LRP2: variants seen among roughly 807,000 people sequenced by gnomAD.
LRP2 encodes the protein low-density lipoprotein receptor-related protein 2.
Under a neutral mutation model 531.0 loss-of-function variants are expected in LRP2, and 172 were observed. The ratio of observed to expected loss-of-function variants is 0.32; its 90% CI spans 0.29 to 0.37. The LOEUF (loss-of-function observed/expected upper bound fraction) is 0.37, where lower values mean the gene tolerates loss of function less well. Ranked by LOEUF, LRP2 falls within the 10% of genes least tolerant of loss-of-function variation. The pLI is 1.00. For missense variants in LRP2, 5,167 were observed against 5,868.3 expected (o/e 0.88, Z 3.90); for synonymous variants, 1,992 against 2,027.6 (o/e 0.98, Z 0.47).
intron 36 of LRP2, among the ~76,000 whole-genome samples, chr2:169,213,377 A>G (rs1245005147): frequency 3.9e-5 from 6 of 152,218 alleles, no homozygotes; most frequent in African/African-American, 1.4e-4. Flanking sequence ...GAAAACAGGG[A>G]GTTCTATGAA....
intron 16 of LRP2, among the ~76,000 whole-genome samples, chr2:169,261,955 A>C (rs914392212): frequency 6.7e-6 from 1 of 150,248 alleles, no homozygotes; most frequent in Non-Finnish European, 1.5e-5. Context: ...CAAATCAATA[A>C]ATGTAATCCA....
intron 4 of LRP2, among the ~76,000 whole-genome samples, chr2:169,300,707 T>C (rs1262770576): frequency 1.3e-5 from 2 of 152,052 alleles, no homozygotes; most frequent in Non-Finnish European, 2.9e-5. Flanking sequence ...CCTATCTCAA[T>C]TGTGAGAATG....
chr2:169,307,784 G>C (rs1019019385), intron 3 of LRP2, among the ~76,000 whole-genome samples: 10 of 152,220 alleles, frequency 6.6e-5, no homozygotes, highest in African/African-American at 2.4e-4. Context: ...TTTAATAGCA[G>C]TTATTCCAGA....
At chr2:169,346,214 T>C (rs1489573621) in intron 1 of LRP2, among the ~76,000 whole-genome samples, 2 of 152,236 alleles carry the variant, frequency 1.3e-5, no homozygotes, top group Non-Finnish European at 2.9e-5. Context: ...TCCCTCTTGG[T>C]GCCATGTTCT....
chr2:169,200,434 T>C (rs541245563), intron 44 of LRP2, among the ~76,000 whole-genome samples: 2 of 152,130 alleles, frequency 1.3e-5, no homozygotes, highest in South Asian at 2.1e-4. Context: ...GGACAGGAAA[T>C]ATAAGACAAG....
At chr2:169,285,510 C>T (rs1209406951) in intron 9 of LRP2, among the ~76,000 whole-genome samples, 1 of 152,030 alleles carries the variant, frequency 6.6e-6, no homozygotes, top group Non-Finnish European at 1.5e-5. Flanking sequence ...TTTACAATCC[C>T]CCTCTCACTC....
chr2:169,142,622 G>C, intron 71 of LRP2, 52 bp downstream of exon 71: 1 of 1,609,648 alleles, frequency 6.2e-7, no homozygotes, highest in East Asian at 2.2e-5. Context: ...ACTCCTGAAG[G>C]CAGCAGAGGA....
intron 77 of LRP2, 131 bp downstream of exon 77, chr2:169,132,443 A>T: frequency 1.5e-6 from 1 of 662,344 alleles, no homozygotes; most frequent in Middle Eastern, 2.5e-4. Flanking sequence ...AATTATATTT[A>T]TTAACTGTCA....
At chr2:169,306,110 T>C (rs879573115) in intron 4 of LRP2, among the ~76,000 whole-genome samples, 2 of 152,054 alleles carry the variant, frequency 1.3e-5, no homozygotes, top group South Asian at 2.1e-4. Context: ...AGTAAATTTA[T>C]GAAATGCAGG....
At chr2:169,345,819 C>T (rs985851037) in intron 1 of LRP2, among the ~76,000 whole-genome samples, 8 of 150,606 alleles carry the variant, frequency 5.3e-5, no homozygotes, top group African/African-American at 2.0e-4. Flanking sequence ...TGACTCTTGT[C>T]GTTCTTGTTC....
rs1453862895 is a variant in LRP2 at position 169,290,839 on chromosome 2, A to G, written c.922+6T>C. 2 of 1,613,744 alleles carry G rather than the reference A, an allele frequency of 1.2e-6. No individual in the cohort carries two copies. The highest frequency in any genetic ancestry group is 8.5e-7 in the Non-Finnish European group (1 of 1,179,758). ...GAAAGCTACCCAGGTAAATGTCTATACTCACTACAGTATTTTCCGGTACTA... is the reference window on the plus strand; with the variant it reads ...GAAAGCTACCCAGGTAAATGTCTATGCTCACTACAGTATTTTCCGGTACTA... On this transcript the variant is annotated splice_donor_region_variant and intron_variant, in intron 8 of 78. Transcript: ENST00000649046.
At chr2:169,261,123 C>T (rs1690530419) in intron 16 of LRP2, among the ~76,000 whole-genome samples, 1 of 151,904 alleles carries the variant, frequency 6.6e-6, no homozygotes. Flanking sequence ...TTTCAAGAAA[C>T]TTGACCATGA....
At chr2:169,231,496 A>G (rs966322836) in intron 31 of LRP2, among the ~76,000 whole-genome samples, 1 of 152,162 alleles carries the variant, frequency 6.6e-6, no homozygotes, top group African/African-American at 2.4e-5. Context: ...AGATTGTTCA[A>G]TTACATGCAC....
At position 169,176,736 on chromosome 2, in the gene LRP2, A is replaced by T. The variant is rs965949556; in HGVS notation, c.10394-148T>A. 1.5e-5 allele frequency: 11 copies of T among 735,852 alleles called. No individual in the cohort carries two copies. In the African/African-American group the frequency reaches 1.9e-4, roughly 13 times the overall value. 45.6% of individuals were successfully genotyped at this position (735,852 alleles called of 1,614,324 possible). A position where few individuals can be genotyped will look rare whatever the true frequency, so the allele number is the denominator to read the frequency against. ...TTTATGATTTTCCCAAAAGTTCCTA[A>T]ATAAAACAGATGATAGAGTTATACA... On this transcript the variant is annotated intron_variant, in intron 53 of 78. Coordinates refer to ENST00000649046, the MANE Select transcript of LRP2 (RefSeq NM_004525.3).
At position 169,140,552 on chromosome 2, in the gene LRP2, G is replaced by A. The variant is rs1558973934; in HGVS notation, c.13109-7C>T. The stretch of plus-strand genomic sequence containing the variant: ...TTGATAGGCAGTTCGATGGCTGCAG[G>A]AAGGGAAAGCCATGCAGGTGTTAGT... On this transcript the variant is annotated splice_region_variant and splice_polypyrimidine_tract_variant and intron_variant, in intron 71 of 78. Coordinates refer to ENST00000649046, the MANE Select transcript of LRP2 (RefSeq NM_004525.3). 6.2e-7 allele frequency: 1 copy of A among 1,604,064 alleles called. No homozygotes were observed. Among genetic ancestry groups the A allele is most frequent in the South Asian group, 1.1e-5 (1 of 90,892 alleles).
At chr2:169,237,838 G>A (rs1344326805) in intron 27 of LRP2, among the ~76,000 whole-genome samples, 2 of 152,122 alleles carry the variant, frequency 1.3e-5, no homozygotes, top group African/African-American at 4.8e-5. Flanking sequence ...GAACCGTAAA[G>A]ACATTGTGAG....
intron 9 of LRP2, among the ~76,000 whole-genome samples, chr2:169,283,312 G>A (rs1683757054): frequency 6.6e-6 from 1 of 152,144 alleles, no homozygotes; most frequent in Non-Finnish European, 1.5e-5. Flanking sequence ...ATAAATTTTG[G>A]TGTAAATGTT....
intron 35 of LRP2, among the ~76,000 whole-genome samples, 176 bp downstream of exon 35, chr2:169,216,077 C>T (rs951033061): frequency 1.3e-5 from 2 of 152,010 alleles, no homozygotes; most frequent in Admixed American, 1.3e-4. Flanking sequence ...AACTGGACTT[C>T]AGCTAGGGGC....
intron 13 of LRP2, among the ~76,000 whole-genome samples, chr2:169,275,815 T>C (rs1683537534): frequency 1.3e-5 from 2 of 151,828 alleles, no homozygotes; most frequent in South Asian, 2.1e-4. Flanking sequence ...AACTATCAAC[T>C]GATCATACTT....
Sources: allele counts gnomAD v4.1 joint callset (sites outside exome capture counted in the v4.1 genomes callset), GRCh38; gene constraint gnomAD v4.1.1; transcripts MANE v1.5; gene names NCBI Gene and HGNC (gene_info 2026-07-23, HGNC 2026-07-21).